Variants in ASIC2 observed in about 807,000 individuals in gnomAD.
ASIC2 encodes the protein acid sensing ion channel subunit 2.
ASIC2 carries 25 observed loss-of-function variants against 57.3 expected under a neutral mutation model. The observed-to-expected ratio is 0.44, with a 90% CI of 0.32 to 0.61. ASIC2 has a LOEUF of 0.61. Among genes scored for constraint, ASIC2 ranks in the 20% least tolerant of loss-of-function variants. The pLI is 0.06. For synonymous variants in ASIC2, 319 were observed against 307.5 expected, an observed-to-expected ratio of 1.04 and a Z score of -0.39; for missense variants, 641 against 738.1, an observed-to-expected ratio of 0.87 and a Z score of 1.52.
At chr17:34,136,018 C>A (rs1912117919) in intron 1 of ASIC2, among the ~76,000 whole-genome samples, 1 of 152,092 alleles carries the variant, frequency 6.6e-6, no homozygotes, top group African/African-American at 2.4e-5. Flanking sequence ...CCTGGAGAAA[C>A]CTGAAAAACT....
At chr17:33,020,685 C>A (rs1036401079) in intron 7 of ASIC2, among the ~76,000 whole-genome samples, 1 of 152,114 alleles carries the variant, frequency 6.6e-6, no homozygotes, top group Non-Finnish European at 1.5e-5. Flanking sequence ...GGGAGAGTGG[C>A]CCTTCATTTG....
chr17:34,114,224 C>T (rs1911363616), intron 1 of ASIC2, among the ~76,000 whole-genome samples: 2 of 152,226 alleles, frequency 1.3e-5, no homozygotes, highest in South Asian at 2.1e-4. Context: ...TTGAATGAAA[C>T]AAACCTGAAC....
chr17:33,094,961 A>G (rs1212303237), intron 2 of ASIC2, among the ~76,000 whole-genome samples: 6 of 152,222 alleles, frequency 3.9e-5, no homozygotes, highest in Admixed American at 2.6e-4. Flanking sequence ...AGTCTAGTTC[A>G]GTTCTGTGAA....
At chr17:33,314,387 G>A (rs1906556800) in intron 1 of ASIC2, among the ~76,000 whole-genome samples, 2 of 152,192 alleles carry the variant, frequency 1.3e-5, no homozygotes, top group Admixed American at 1.3e-4. Flanking sequence ...CTTGTTGGCT[G>A]AGCATGCATA....
At chr17:33,579,318 C>G (rs1004453686) in intron 1 of ASIC2, among the ~76,000 whole-genome samples, 45 of 145,968 alleles carry the variant, frequency 3.1e-4, no homozygotes, top group Admixed American at 3.0e-3. Flanking sequence ...AGGTGGGTGA[C>G]TCAGATGTTG....
chr17:33,725,393 G>A (rs1043778254), intron 1 of ASIC2, among the ~76,000 whole-genome samples: 6 of 152,168 alleles, frequency 3.9e-5, no homozygotes, highest in Non-Finnish European at 7.4e-5. Context: ...GACTTAGTCC[G>A]AGTTGTCCAC....
chr17:33,626,588 C>G (rs1311571035), intron 1 of ASIC2, among the ~76,000 whole-genome samples: 1 of 152,170 alleles, frequency 6.6e-6, no homozygotes, highest in Non-Finnish European at 1.5e-5. Flanking sequence ...TTGGGAAACA[C>G]CATTGATAAC....
intron 8 of ASIC2, among the ~76,000 whole-genome samples, chr17:33,016,540 C>A (rs1260185148): frequency 6.6e-6 from 1 of 152,128 alleles, no homozygotes; most frequent in Non-Finnish European, 1.5e-5. Flanking sequence ...ATTCAATTGC[C>A]ATAACTGTGT....
At chr17:33,046,283 C>T (rs779107134) in intron 3 of ASIC2, among the ~76,000 whole-genome samples, 7 of 152,130 alleles carry the variant, frequency 4.6e-5, no homozygotes, top group Admixed American at 2.6e-4. Context: ...TTTGGAATAG[C>T]GGCCTTTTAT....
At chr17:33,890,437 T>C (rs1411200915) in intron 1 of ASIC2, among the ~76,000 whole-genome samples, 1 of 152,258 alleles carries the variant, frequency 6.6e-6, no homozygotes, top group Non-Finnish European at 1.5e-5. Flanking sequence ...CCAACATTCA[T>C]CACGTGTTTG....
chr17:33,285,490 C>T (rs1437331155), intron 1 of ASIC2, among the ~76,000 whole-genome samples: 1 of 152,194 alleles, frequency 6.6e-6, no homozygotes, highest in East Asian at 1.9e-4. Context: ...CCCTGACTGC[C>T]CACTTGAATA....
At chr17:33,324,831 T>C (rs1907006129) in intron 1 of ASIC2, among the ~76,000 whole-genome samples, 1 of 152,108 alleles carries the variant, frequency 6.6e-6, no homozygotes, top group Non-Finnish European at 1.5e-5. Flanking sequence ...TAATCATTCC[T>C]ACAGACTTCC....
intron 1 of ASIC2, among the ~76,000 whole-genome samples, chr17:33,974,664 G>T (rs1905321612): frequency 6.7e-6 from 1 of 149,828 alleles, no homozygotes; most frequent in South Asian, 2.1e-4. Flanking sequence ...CTGCCACAAA[G>T]ACAGTGCCCA....
chr17:33,254,837 T>A (rs1909004326), intron 1 of ASIC2, among the ~76,000 whole-genome samples: 1 of 151,964 alleles, frequency 6.6e-6, no homozygotes, highest in South Asian at 2.1e-4. Flanking sequence ...TGTTAACTAA[T>A]CCCCACACAG....
chr17:33,346,872 G>A (rs1244881334), intron 1 of ASIC2, among the ~76,000 whole-genome samples: 2 of 152,180 alleles, frequency 1.3e-5, no homozygotes, highest in Non-Finnish European at 2.9e-5. Context: ...GATGAGACCT[G>A]AAAGTCACCA....
chr17:33,558,064 ATCTATT>A (rs1453413337), intron 1 of ASIC2, among the ~76,000 whole-genome samples: 1 of 151,990 alleles, frequency 6.6e-6, no homozygotes, highest in Non-Finnish European at 1.5e-5. Flanking sequence ...CCTTCTTGGT[ATCTATT>A]TCTATTAAAG....
At chr17:33,485,839 C>A (rs1277891752) in intron 1 of ASIC2, among the ~76,000 whole-genome samples, 2 of 152,176 alleles carry the variant, frequency 1.3e-5, no homozygotes, top group Admixed American at 1.3e-4. Flanking sequence ...GCACCCCAGT[C>A]CCGAGAGAAC....
intron 1 of ASIC2, among the ~76,000 whole-genome samples, chr17:33,557,569 G>A (rs981366124): frequency 3.9e-5 from 6 of 152,180 alleles, no homozygotes; most frequent in Non-Finnish European, 8.8e-5. Context: ...CTGCATTGGT[G>A]GAAGGAGGAG....
intron 1 of ASIC2, among the ~76,000 whole-genome samples, chr17:33,342,776 C>T (rs447040): frequency 6.6e-6 from 1 of 152,166 alleles, no homozygotes; most frequent in Non-Finnish European, 1.5e-5. Flanking sequence ...CTCAGATCTT[C>T]TCCACAGCTG....
Sources: gnomAD v4.1 joint callset for allele counts (sites outside exome capture counted in the v4.1 genomes callset) on GRCh38, gnomAD v4.1.1 for gene constraint, MANE v1.5 for transcripts, NCBI Gene and HGNC (gene_info 2026-07-23, HGNC 2026-07-21) for gene names.